The following MTA3 variants were observed in gnomAD, a reference collection of about 807,000 sequenced individuals.
MTA3 encodes metastasis-associated protein MTA3.
Under a neutral mutation model 83.5 loss-of-function variants are expected in MTA3, and 34 were observed. The ratio of observed to expected loss-of-function variants is 0.41; its 90% CI spans 0.31 to 0.54. The LOEUF (loss-of-function observed/expected upper bound fraction) is 0.54, where lower values mean the gene tolerates loss of function less well. Ranked by LOEUF, MTA3 falls within the 20% of genes least tolerant of loss-of-function variation. MTA3 has a pLI of 0.33. For missense variants in MTA3, 761 were observed against 726.4 expected, an observed-to-expected ratio of 1.05 and a Z score of -0.55; for synonymous variants, 303 against 252.7, an observed-to-expected ratio of 1.20 and a Z score of -1.89.
At chr2:42,710,668 G>A (rs563772133) in intron 14 of MTA3, among the ~76,000 whole-genome samples, 1 of 151,968 alleles carries the variant, frequency 6.6e-6, no homozygotes, top group East Asian at 1.9e-4. Context: ...TAGGTTTTGT[G>A]CTAGCATTTG....
chr2:42,656,079 A>G (rs1010152193), intron 6 of MTA3, 121 bp from the exon 7 acceptor site: 54 of 690,266 alleles, frequency 7.8e-5, no homozygotes, highest in South Asian at 7.4e-4. Flanking sequence ...GAATATGCCA[A>G]AACTGTGGGC....
chr2:42,649,206 C>A (rs535248835), intron 6 of MTA3, among the ~76,000 whole-genome samples: 85 of 152,136 alleles, frequency 5.6e-4, no homozygotes, highest in Middle Eastern at 3.4e-3. Flanking sequence ...ACCAGTTTGA[C>A]CAACCACGGT....
chr2:42,695,838 A>C lies in MTA3; in HGVS notation c.965A>C (p.Gln322Pro). ...MWKTTDRYVQ[Q>P]KRLKAAEAES... The stretch of plus-strand genomic sequence containing the variant: ...AAAACTACTGACAGATATGTGCAAC[A>C]GGTAATTTTTTTCATATTGCTACCA... The change falls in exon 10 of 17, where the codon CAG becomes CCG. Residue 322 changes from glutamine to proline, a missense_variant and splice_region_variant. Gln to Pro is a moderately conservative substitution (Grantham distance 76). Transcript: ENST00000405094. 6.4e-7 allele frequency: 1 copy of C among 1,565,082 alleles called. No homozygotes were observed. Among genetic ancestry groups the C allele is most frequent in the Non-Finnish European group, 8.7e-7 (1 of 1,151,468 alleles).
At chr2:42,606,332 C>G (rs1245250831) in intron 3 of MTA3, among the ~76,000 whole-genome samples, 1 of 148,626 alleles carries the variant, frequency 6.7e-6, no homozygotes, top group African/African-American at 2.5e-5. Flanking sequence ...AGAGGCTCCT[C>G]ACCTCTCAGA....
At chr2:42,568,613 C>G (rs543606196), upstream of MTA3, 3 of 407,648 alleles carry the variant, frequency 7.4e-6, no homozygotes, top group African/African-American at 4.3e-5. Context: ...TGTCCCCTCC[C>G]TTCCCTCCCT....
intron 2 of MTA3, among the ~76,000 whole-genome samples, chr2:42,515,384 A>C (rs559917694): frequency 6.6e-6 from 1 of 151,916 alleles, no homozygotes; most frequent in African/African-American, 2.4e-5. Flanking sequence ...GATGGCATCT[A>C]TGTTGTCCAA....
intron 12 of MTA3, among the ~76,000 whole-genome samples, chr2:42,705,078 T>C (rs1665948794): frequency 1.3e-5 from 2 of 152,166 alleles, no homozygotes; most frequent in Non-Finnish European, 2.9e-5. Flanking sequence ...AGTAGCTCTT[T>C]GAGAGTACAT....
chr2:42,627,595 G>T (rs182150588), intron 4 of MTA3, among the ~76,000 whole-genome samples: 1 of 150,982 alleles, frequency 6.6e-6, no homozygotes, highest in Non-Finnish European at 1.5e-5. Flanking sequence ...ACGGAGTCTC[G>T]CTCTGTCTCT....
At position 42,551,045 on chromosome 2, in the gene MTA3, G is replaced by A. The variant is rs183716839; in HGVS notation, c.-140-19392G>A. Among the ~76,000 whole-genome samples the A allele has an allele frequency of 4.0e-3, 524 of 131,762 alleles. 9 individuals carry two copies. Among genetic ancestry groups the A allele is most frequent in the African/African-American group, 0.014 (473 of 34,518 alleles). The allele number at this position is 131,762 out of a possible 152,430, so 86.4% of individuals were successfully genotyped here. The stretch of plus-strand genomic sequence containing the variant: ...AGCCTGGGTGACAGAACCAGACTCT[G>A]ACTAAATAAATAAATAAATAAATAA... On this transcript the variant is annotated intron_variant, in intron 2 of 17. Transcript: ENST00000405592.
chr2:42,636,073 A>C (rs1326797675), intron 4 of MTA3, among the ~76,000 whole-genome samples: 6 of 152,088 alleles, frequency 3.9e-5, no homozygotes, highest in African/African-American at 7.2e-5. Flanking sequence ...CGGGCCAGGA[A>C]TGGTTTTTTA....
chr2:42,732,752 T>C (rs1045535543), intron 16 of MTA3, among the ~76,000 whole-genome samples: 9 of 152,252 alleles, frequency 5.9e-5, no homozygotes, highest in Non-Finnish European at 1.2e-4. Context: ...ACCTCTTGAA[T>C]GCTTTGCTGC....
At position 42,667,582 on chromosome 2, in the gene MTA3, G is replaced by GTGTGTGTGTGTGTGTT. The variant is rs1558562247; in HGVS notation, c.702+7735_702+7736insTTGTGTGTGTGTGTGT. On this transcript the variant is annotated intron_variant, in intron 8 of 16. Coordinates refer to ENST00000405094, the MANE Select transcript of MTA3 (RefSeq NM_001330442.2). ...CATCATTTAAAAATTGTGTGTGTGT[G>GTGTGTGTGTGTGTGTT]TGTGTGTGTGTGTGTGTGTGTGTGT... Among the ~76,000 whole-genome samples the GTGTGTGTGTGTGTGTT allele has an allele frequency of 4.5e-4, 58 of 129,006 alleles. No homozygotes were observed. The East Asian group carries it at 8.1e-3, about 18-fold the overall frequency. The allele number at this position is 129,006 out of a possible 152,430, so 84.6% of individuals were successfully genotyped here. A position where few individuals can be genotyped will look rare whatever the true frequency, so the allele number is the denominator to read the frequency against.
At chr2:42,671,913 T>C (rs112198316) in intron 8 of MTA3, among the ~76,000 whole-genome samples, 2,205 of 152,312 alleles carry the variant, frequency 0.014, 55 homozygotes, top group African/African-American at 0.049. Flanking sequence ...GGAAACTTGC[T>C]GTTTGGCTCG....
At chr2:42,735,891 T>A (rs111880862) in intron 16 of MTA3, among the ~76,000 whole-genome samples, 40 of 152,220 alleles carry the variant, frequency 2.6e-4, no homozygotes, top group Non-Finnish European at 4.6e-4. Context: ...TTTTGAATTC[T>A]CTGTCTGAAA....
chr2:42,635,150 T>A (rs571430585), intron 4 of MTA3, among the ~76,000 whole-genome samples: 1 of 152,338 alleles, frequency 6.6e-6, no homozygotes, highest in South Asian at 2.1e-4. Flanking sequence ...CTATTCTGTT[T>A]TATGCGGTTG....
intron 3 of MTA3, among the ~76,000 whole-genome samples, chr2:42,595,159 G>C (rs995671455): frequency 7.6e-6 from 1 of 131,728 alleles, no homozygotes; most frequent in Non-Finnish European, 1.6e-5. Context: ...ACCCAGGCTG[G>C]AGTCCAGTGA....
intron 8 of MTA3, among the ~76,000 whole-genome samples, chr2:42,667,887 T>C (rs923411697): frequency 6.6e-6 from 1 of 152,202 alleles, no homozygotes; most frequent in Non-Finnish European, 1.5e-5. Context: ...GCCTCTATCT[T>C]TTGACTGTTG....
At position 42,756,902 on chromosome 2, in the gene MTA3, A is replaced by G. The variant is rs1670278495; in HGVS notation, c.*3503A>G. 1.0e-6 allele frequency: 1 copy of G among 985,372 alleles called. No homozygotes were observed. The allele number at this position is 985,372 out of a possible 1,614,324, so 61.0% of individuals were successfully genotyped here. A position where few individuals can be genotyped will look rare whatever the true frequency, so the allele number is the denominator to read the frequency against. On this transcript the variant is annotated 3_prime_UTR_variant, in exon 17 of 17. Transcript: ENST00000405094. ...GTCTGTCTGTAAGGAGATGCCATCT[A>G]CTAACCAATTTGTATTGTGTTTCCA...
At chr2:42,577,105 A>AAAAAAAAAAAAAATATATATATATATAT (rs1211189566) in intron 2 of MTA3, among the ~76,000 whole-genome samples, 1 of 86,948 alleles carries the variant, frequency 1.2e-5, no homozygotes, top group African/African-American at 5.5e-5. Flanking sequence ...AAAAAAAAAA[A>AAAAAAAAAAAAAATATATATATATATAT]ATATATATAT....
Sources: gnomAD v4.1 joint callset for allele counts (sites outside exome capture counted in the v4.1 genomes callset) on GRCh38, gnomAD v4.1.1 for gene constraint, MANE v1.5 for transcripts, NCBI Gene and HGNC (gene_info 2026-07-23, HGNC 2026-07-21) for gene names.